The following MEGF9 variants were observed in gnomAD, a reference collection of about 807,000 sequenced individuals.
MEGF9 encodes the protein multiple epidermal growth factor-like domains protein 9.
MEGF9 carries 6 observed loss-of-function variants against 46.8 expected under a neutral mutation model. The ratio of observed to expected loss-of-function variants is 0.13; its 90% CI spans 0.07 to 0.25. MEGF9 has a LOEUF of 0.25. Among genes scored for constraint, MEGF9 ranks in the 10% least tolerant of loss-of-function variants. The pLI, the probability that MEGF9 is intolerant of heterozygous loss-of-function variation, is 1.00. For synonymous variants in MEGF9, 302 were observed against 330.7 expected, an observed-to-expected ratio of 0.91 and a Z score of 0.94; for missense variants, 683 against 792.4, an observed-to-expected ratio of 0.86 and a Z score of 1.66.
intron 1 of MEGF9, among the ~76,000 whole-genome samples, chr9:120,680,317 G>A (rs115688361): frequency 0.024 from 3,591 of 152,202 alleles, 151 homozygotes; most frequent in African/African-American, 0.083. Flanking sequence ...TTCTTGGGAA[G>A]GCTTTCCAGG....
intron 2 of MEGF9, among the ~76,000 whole-genome samples, chr9:120,635,529 T>C (rs984628569): frequency 2.0e-5 from 3 of 152,164 alleles, no homozygotes; most frequent in Non-Finnish European, 2.9e-5. Flanking sequence ...CTTTTTTTTT[T>C]CCTCTGACTA....
At chr9:120,701,456 C>T (rs1338894915) in intron 1 of MEGF9, among the ~76,000 whole-genome samples, 5 of 152,176 alleles carry the variant, frequency 3.3e-5, no homozygotes, top group Non-Finnish European at 7.4e-5. Context: ...AGAATGTATT[C>T]CTTTTTCCAA....
At chr9:120,696,665 C>G (rs1270870259) in intron 1 of MEGF9, among the ~76,000 whole-genome samples, 1 of 152,056 alleles carries the variant, frequency 6.6e-6, no homozygotes, top group Non-Finnish European at 1.5e-5. Context: ...GGGAAAAGTA[C>G]AAGAAATGAG....
At chr9:120,638,409 G>A (rs1204704166) in intron 2 of MEGF9, among the ~76,000 whole-genome samples, 2 of 152,214 alleles carry the variant, frequency 1.3e-5, no homozygotes, top group Non-Finnish European at 1.5e-5. Context: ...TGGTGGCTTA[G>A]TTTCCAGATC....
At chr9:120,608,486 C>T (rs1003973117) in intron 4 of MEGF9, among the ~76,000 whole-genome samples, 2 of 152,178 alleles carry the variant, frequency 1.3e-5, no homozygotes, top group African/African-American at 4.8e-5. Context: ...CCCTCCCAAA[C>T]TTAAATGTGG....
At chr9:120,653,575 T>C (rs2043663349) in intron 2 of MEGF9, among the ~76,000 whole-genome samples, 1 of 152,056 alleles carries the variant, frequency 6.6e-6, no homozygotes, top group African/African-American at 2.4e-5. Context: ...TTTCACCATG[T>C]TGGCTAGGCT....
In MEGF9 at chr9:120,604,195, C is replaced by T. The variant is rs78550264; in HGVS notation, c.*995G>A. ...AAGAGCATATAACTCTACTTTTAGA[C>T]TGAGAAAGGAAAGAAAGAAACATTC... On this transcript the variant is annotated 3_prime_UTR_variant, in exon 6 of 6. Coordinates refer to ENST00000373930, the MANE Select transcript of MEGF9 (RefSeq NM_001080497.3). The T allele has an allele frequency of 3.0e-4, 46 of 152,610 alleles. No individual in the cohort carries two copies. Among genetic ancestry groups the T allele is most frequent in the African/African-American group, 9.4e-4 (39 of 41,544 alleles). 9.5% of individuals were successfully genotyped at this position (152,610 alleles called of 1,614,324 possible).
At chr9:120,692,806 C>G (rs149830886) in intron 1 of MEGF9, among the ~76,000 whole-genome samples, 2 of 152,252 alleles carry the variant, frequency 1.3e-5, no homozygotes, top group Admixed American at 1.3e-4. Context: ...CCCTCTTCTA[C>G]CTGAATAATT....
chr9:120,684,658 A>G (rs187495842), intron 1 of MEGF9, among the ~76,000 whole-genome samples: 26 of 152,324 alleles, frequency 1.7e-4, no homozygotes, highest in African/African-American at 6.3e-4. Context: ...AGAAGGGCAC[A>G]GTAGAGAAGA....
At chr9:120,697,261 T>C (rs572861565) in intron 1 of MEGF9, among the ~76,000 whole-genome samples, 1 of 152,282 alleles carries the variant, frequency 6.6e-6, no homozygotes, top group East Asian at 1.9e-4. Flanking sequence ...TTTTGCATTT[T>C]TTGTAGAGAA....
rs1354533356 is a variant in MEGF9, at chr9:120,706,216, T to A, written c.601+7542A>T. On this transcript the variant is annotated intron_variant, in intron 1 of 5. Coordinates refer to ENST00000373930, the MANE Select transcript of MEGF9 (RefSeq NM_001080497.3). The stretch of plus-strand genomic sequence containing the variant: ...ATTATGCACACTTAAATTTTAGGGG[T>A]CTTTTTTAAAAATCAAGATAAAAAG... Among the ~76,000 whole-genome samples the A allele has an allele frequency of 3.9e-5, 6 of 151,942 alleles. No homozygotes were observed. In the East Asian group the frequency reaches 1.2e-3, roughly 29 times the overall value.
chr9:120,689,779 T>C, intron 1 of MEGF9: 1 of 312,974 alleles, frequency 3.2e-6, no homozygotes, highest in African/African-American at 2.2e-5. Flanking sequence ...CCCTAATAAA[T>C]TGGGCCCATA....
intron 1 of MEGF9, among the ~76,000 whole-genome samples, chr9:120,665,424 T>G (rs1268917201): frequency 6.6e-5 from 10 of 152,066 alleles, no homozygotes; most frequent in Non-Finnish European, 1.5e-4. Flanking sequence ...AGGCTAGTCT[T>G]GAACTCCTGA....
chr9:120,605,329 T>C lies in MEGF9; in HGVS notation c.1670A>G (p.Glu557Gly). The part of the protein sequence containing the change: ...NAPFWTIELK[E>G]DNISFSSYHD... ...GTAGCTGCTGAAACTGATATTGTCTTCTTTCAGCTCGATGGTCCAAAAGGG... is the reference window on the plus strand; with the variant it reads ...GTAGCTGCTGAAACTGATATTGTCTCCTTTCAGCTCGATGGTCCAAAAGGG... Residue 557 changes from glutamate (E) to glycine (G), a missense_variant, in exon 6 of 6, where the codon GAA becomes GGA. This residue lies in a region of MEGF9 where 313 missense variants were observed against 421.1 expected (regional missense o/e 0.74). Transcript: ENST00000373930. The surrounding 1 kb of genome is among the most constrained non-coding windows in gnomAD (Gnocchi z 4.0). 1.2e-6 allele frequency: 2 copies of C among 1,614,056 alleles called. No individual in the cohort carries two copies. The highest frequency in any genetic ancestry group is 1.7e-6 in the Non-Finnish European group (2 of 1,179,904).
chr9:120,633,468 T>C (rs1205607748), intron 2 of MEGF9, among the ~76,000 whole-genome samples: 3 of 152,176 alleles, frequency 2.0e-5, no homozygotes, highest in Non-Finnish European at 4.4e-5. Context: ...TGATTTTATT[T>C]CTTTAGGTTT....
chr9:120,611,532 C>A (rs1229460076), intron 4 of MEGF9, among the ~76,000 whole-genome samples: 1 of 151,998 alleles, frequency 6.6e-6, no homozygotes, highest in Non-Finnish European at 1.5e-5. Context: ...ATGAAATGTT[C>A]AGAATGGGCA....
At chr9:120,613,783 G>A (rs1244775689) in intron 3 of MEGF9, among the ~76,000 whole-genome samples, 1 of 152,116 alleles carries the variant, frequency 6.6e-6, no homozygotes, top group Non-Finnish European at 1.5e-5. Context: ...GGAAATTAGT[G>A]AGTAAATTCT....
At chr9:120,645,036 T>C (rs1276969927) in intron 2 of MEGF9, among the ~76,000 whole-genome samples, 1 of 152,200 alleles carries the variant, frequency 6.6e-6, no homozygotes, top group Admixed American at 6.5e-5. Flanking sequence ...TCCTCCTGAC[T>C]GTGAAAAATC....
At chr9:120,651,106 T>C (rs1587984332) in intron 2 of MEGF9, among the ~76,000 whole-genome samples, 1 of 152,208 alleles carries the variant, frequency 6.6e-6, no homozygotes, top group East Asian at 1.9e-4. Flanking sequence ...ATATAACAGA[T>C]ATTGCAATTG....
Sources: allele counts gnomAD v4.1 joint callset (sites outside exome capture counted in the v4.1 genomes callset), GRCh38; gene constraint gnomAD v4.1.1; regional missense constraint gnomAD v4.1.1; non-coding constraint Gnocchi (gnomAD v3.1); transcripts MANE v1.5; gene names NCBI Gene and HGNC (gene_info 2026-07-23, HGNC 2026-07-21).